ARID1A: variants seen among roughly 807,000 people sequenced by gnomAD.
ARID1A encodes the protein AT-rich interaction domain 1A.
Under a neutral mutation model 212.6 loss-of-function variants are expected in ARID1A, and 20 were observed. The ratio of observed to expected loss-of-function variants is 0.09; its 90% CI spans 0.07 to 0.14. ARID1A has a LOEUF of 0.14. Ranked by LOEUF, ARID1A falls within the 10% of genes least tolerant of loss-of-function variation. ARID1A has a pLI of 1.00. For synonymous variants in ARID1A, 1,376 were observed against 1,222.1 expected (o/e 1.13, Z -2.63); for missense variants, 2,587 against 3,059.0 (o/e 0.85, Z 3.64).
intron 4 of ARID1A, among the ~76,000 whole-genome samples, chr1:26,734,581 G>T (rs2080711548): frequency 6.6e-6 from 1 of 152,184 alleles, no homozygotes; most frequent in South Asian, 2.1e-4. Context: ...AGTGGTAGAA[G>T]CTCCATGTGG....
chr1:26,716,961 G>A (rs559977153), intron 1 of ARID1A, among the ~76,000 whole-genome samples: 1 of 152,200 alleles, frequency 6.6e-6, no homozygotes, highest in East Asian at 1.9e-4. Flanking sequence ...TATATTGCAG[G>A]ACATTGGCAT....
rs561527318 is a variant in ARID1A, at chr1:26,739,874, G to C, written c.1920+7082G>C. Among the ~76,000 whole-genome samples, 5 of 151,524 alleles carry C rather than the reference G, an allele frequency of 3.3e-5. No homozygotes were observed. In the East Asian group the frequency reaches 5.8e-4, roughly 18 times the overall value. On this transcript the variant is annotated intron_variant, in intron 4 of 19. Coordinates refer to ENST00000324856, the MANE Select transcript of ARID1A (RefSeq NM_006015.6). ...TTTCTCCACTGCCTTTTGTTTTTTC[G>C]GGTCCCTGTTATCTCTCACCTGGTG...
intron 1 of ARID1A, among the ~76,000 whole-genome samples, chr1:26,725,852 C>CT (rs71007888): frequency 0.016 from 2,085 of 126,702 alleles, 25 homozygotes; most frequent in African/African-American, 0.031. Flanking sequence ...TGGTATAAAC[C>CT]TTTTTTTTTT....
chr1:26,775,297 C>G lies in ARID1A; in HGVS notation c.4993+77C>G, dbSNP rs375675647. ...CCATTGTTCCCTCCACCTTACTATT[C>G]TGGATGAGGTTGAATCTGGTCCAGT... On this transcript the variant is annotated intron_variant, in intron 18 of 19. Coordinates refer to ENST00000324856, the MANE Select transcript of ARID1A (RefSeq NM_006015.6). 48 of 1,500,076 alleles carry G rather than the reference C, an allele frequency of 3.2e-5. 1 individual carries two copies. In the East Asian group the frequency reaches 3.4e-4, roughly 11 times the overall value. 92.9% of individuals were successfully genotyped at this position (1,500,076 alleles called of 1,614,324 possible).
intron 8 of ARID1A, among the ~76,000 whole-genome samples, chr1:26,763,744 G>A (rs573927882): frequency 1.3e-3 from 199 of 152,288 alleles, no homozygotes; most frequent in Admixed American, 5.3e-3. Context: ...ACTCCAGCCT[G>A]GGCGACAGAG....
intron 1 of ARID1A, among the ~76,000 whole-genome samples, chr1:26,728,303 C>T (rs2080637935): frequency 6.6e-6 from 1 of 152,046 alleles, no homozygotes; most frequent in Non-Finnish European, 1.5e-5. Context: ...ATTGTCTTAC[C>T]TGTTTTCTTT....
chr1:26,768,080 C>CT, intron 11 of ARID1A, 81 bp downstream of exon 11: 1 of 1,419,586 alleles, frequency 7.0e-7, no homozygotes. Context: ...CATGTGGTAC[C>CT]ATGCATCCCA....
chr1:26,701,773 C>A (rs375436594), intron 1 of ARID1A, among the ~76,000 whole-genome samples: 2 of 152,298 alleles, frequency 1.3e-5, no homozygotes, highest in East Asian at 3.9e-4. Flanking sequence ...TTCACAGGAA[C>A]AAGCTCTGAA....
intron 4 of ARID1A, among the ~76,000 whole-genome samples, chr1:26,734,596 T>C (rs1038554322): frequency 1.3e-5 from 2 of 152,294 alleles, no homozygotes; most frequent in Admixed American, 6.5e-5. Flanking sequence ...ATGTGGGAGG[T>C]AAGCTGGCTG....
intron 1 of ARID1A, among the ~76,000 whole-genome samples, chr1:26,709,241 C>T (rs974898600): frequency 6.6e-6 from 1 of 152,204 alleles, no homozygotes; most frequent in South Asian, 2.1e-4. Flanking sequence ...ACAATTCTAA[C>T]ATGACTCCTG....
chr1:26,748,822 A>G (rs935964818), intron 4 of ARID1A, among the ~76,000 whole-genome samples: 2 of 151,974 alleles, frequency 1.3e-5, no homozygotes, highest in African/African-American at 2.4e-5. Flanking sequence ...TTAGCGGCCT[A>G]TGGGAGTTCC....
rs1055667805 is a variant in ARID1A, at chr1:26,766,377, G to T, written c.2878+11G>T. 7 of 1,614,108 alleles carry T rather than the reference G, an allele frequency of 4.3e-6. No homozygotes were observed. The highest frequency in any genetic ancestry group is 5.9e-6 in the Non-Finnish European group (7 of 1,180,004). ...CCAACAATTCTGCAGGTAAGTGCTA[G>T]TCATTCTCACTAGGGATTTCTTCAA... On this transcript the variant is annotated intron_variant, in intron 9 of 19. Coordinates refer to ENST00000324856, the MANE Select transcript of ARID1A (RefSeq NM_006015.6).
chr1:26,771,235 CAAG>C lies in ARID1A; in HGVS notation c.3317_3319del (p.Lys1106del). ...TCCAGTGTCTCTATGCCTTTGAATGCAAGATTGAACGGGGAGAAGACCCTCCCC... is the reference window on the plus strand; with the variant it reads ...TCCAGTGTCTCTATGCCTTTGAATGCATTGAACGGGGAGAAGACCCTCCCC... On this transcript the variant is annotated inframe_deletion, in exon 12 of 20. Coordinates refer to ENST00000324856, the MANE Select transcript of ARID1A (RefSeq NM_006015.6). This position sits in a 1 kb window ranked among gnomAD's most constrained non-coding sequence, Gnocchi z 5.4. 1 of 1,614,180 alleles carries C rather than the reference CAAG, an allele frequency of 6.2e-7. No homozygotes were observed. Among genetic ancestry groups the C allele is most frequent in the Non-Finnish European group, 8.5e-7 (1 of 1,180,042 alleles).
chr1:26,729,206 G>A (rs1209003523), intron 1 of ARID1A: 1 of 184,154 alleles, frequency 5.4e-6, no homozygotes, highest in Non-Finnish European at 1.2e-5. Flanking sequence ...GGCTATAGAT[G>A]TGTAAGGGGA....
At chr1:26,770,726 C>T in intron 11 of ARID1A, 3 of 199,812 alleles carry the variant, frequency 1.5e-5, no homozygotes, top group Non-Finnish European at 3.1e-5. Flanking sequence ...CCACTGCACT[C>T]CAGCCTAGGC....
At chr1:26,719,833 C>T (rs945735084) in intron 1 of ARID1A, among the ~76,000 whole-genome samples, 73 of 147,020 alleles carry the variant, frequency 5.0e-4, no homozygotes, top group Non-Finnish European at 9.5e-4. Flanking sequence ...CCCAGCTACT[C>T]GGGAGGCTGA....
In ARID1A at chr1:26,766,386, A is replaced by G; in HGVS notation, c.2878+20A>G. 1.2e-6 allele frequency: 2 copies of G among 1,614,034 alleles called. No homozygotes were observed. On this transcript the variant is annotated intron_variant, in intron 9 of 19. Coordinates refer to ENST00000324856, the MANE Select transcript of ARID1A (RefSeq NM_006015.6). ...CTGCAGGTAAGTGCTAGTCATTCTC[A>G]CTAGGGATTTCTTCAAGAGTCACAT... is the stretch of plus-strand genomic sequence containing the variant.
Position 26,731,295 on chromosome 1 carries a change from T to A in ARID1A, c.1494T>A (p.Pro498=), listed in dbSNP as rs1422131278. Residue 498 remains proline, a synonymous_variant, in exon 3 of 20, where the codon CCT becomes CCA. Coordinates refer to ENST00000324856, the MANE Select transcript of ARID1A (RefSeq NM_006015.6). The part of the protein sequence containing the change: ...QPPSQTPHAQ[P]SYQQQPQSQP... ...CGTCCCAGACCCCTCATGCCCAACC[T>A]TCGTATCAGCAGCAGCCACAGTCTC... 1 of 1,612,732 alleles carries A rather than the reference T, an allele frequency of 6.2e-7. No homozygotes were observed. Among genetic ancestry groups the A allele is most frequent in the African/African-American group, 1.3e-5 (1 of 74,550 alleles).
chr1:26,774,787 C>T lies in ARID1A; in HGVS notation c.4560C>T (p.Gly1520=), dbSNP rs138023869. ...NRQSTGSAPQ[G]PAYHGVNRTD... is the part of the protein sequence containing the mutation. ...AGAGCACGGGCTCTGCCCCCCAGGG[C>T]CCCGCCTATCATGGCGTGAACCGAA... is the stretch of plus-strand genomic sequence containing the variant. Residue 1520 remains glycine, a synonymous_variant, in exon 18 of 20, where the codon GGC becomes GGT. Transcript: ENST00000324856. This position sits in a 1 kb window ranked among gnomAD's most constrained non-coding sequence, Gnocchi z 5.6. 115 of 1,614,208 alleles carry T rather than the reference C, an allele frequency of 7.1e-5. No individual in the cohort carries two copies. The African/African-American group carries it at 1.4e-3, about 20-fold the overall frequency.
Sources: gnomAD v4.1 joint callset for allele counts (sites outside exome capture counted in the v4.1 genomes callset) on GRCh38, gnomAD v4.1.1 for gene constraint, Gnocchi (gnomAD v3.1) non-coding constraint, MANE v1.5 for transcripts, NCBI Gene and HGNC (gene_info 2026-07-23, HGNC 2026-07-21) for gene names.